Variants in IRGM observed in about 807,000 individuals in gnomAD.
IRGM encodes the protein immunity related GTPase M.
For synonymous variants in IRGM, 98 were observed against 80.6 expected (o/e 1.22, Z -1.16); for missense variants, 288 against 219.9 (o/e 1.31, Z -1.96).
At chr5:150,877,906 T>C (rs1292747933) in intron 1 of IRGM, 2 of 428,304 alleles carry the variant, frequency 4.7e-6, no homozygotes. Flanking sequence ...TTGAATTTCA[T>C]TTGCTTATAC....
chr5:150,861,948 TG>T (rs1394320153), intron 1 of IRGM, among the ~76,000 whole-genome samples: 7 of 152,178 alleles, frequency 4.6e-5, no homozygotes, highest in African/African-American at 1.7e-4. Context: ...ATAAAATACA[TG>T]TTTATTATCT....
At chr5:150,858,062 T>G (rs1309584855) in intron 1 of IRGM, among the ~76,000 whole-genome samples, 1 of 152,258 alleles carries the variant, frequency 6.6e-6, no homozygotes. Flanking sequence ...GTTTTAGGTC[T>G]AATGTTTAAG....
chr5:150,890,807 A>T (rs1489112392), intron 3 of IRGM, among the ~76,000 whole-genome samples: 2 of 152,006 alleles, frequency 1.3e-5, no homozygotes, highest in Non-Finnish European at 2.9e-5. Flanking sequence ...TTGATTTCTA[A>T]TGAATTAAAT....
chr5:150,888,254 C>T (rs1053454386), intron 3 of IRGM, among the ~76,000 whole-genome samples: 1 of 151,962 alleles, frequency 6.6e-6, no homozygotes, highest in Non-Finnish European at 1.5e-5. Context: ...GGGTTCAATT[C>T]AACAAGAAGG....
chr5:150,849,070 C>T (rs191464582), downstream of IRGM, among the ~76,000 whole-genome samples: 557 of 151,398 alleles, frequency 3.7e-3, 4 homozygotes, highest in African/African-American at 0.013. Flanking sequence ...AAGTAATGGT[C>T]GGGAGGAGCC....
intron 1 of IRGM, among the ~76,000 whole-genome samples, chr5:150,869,702 T>A (rs1335593501): frequency 6.6e-6 from 1 of 152,188 alleles, no homozygotes; most frequent in Non-Finnish European, 1.5e-5. Flanking sequence ...TGGTTTAATC[T>A]GTGAGGGTTG....
At chr5:150,895,502 A>G (rs1410134486) in intron 3 of IRGM, 12 of 1,613,566 alleles carry the variant, frequency 7.4e-6, no homozygotes, top group Non-Finnish European at 1.0e-5. Context: ...CACATATAGC[A>G]CATTGATAGG....
chr5:150,858,065 T>C lies in IRGM; in HGVS notation c.158+9411T>C, dbSNP rs1450852693. Among the ~76,000 whole-genome samples, 130 of 152,266 alleles carry C rather than the reference T, an allele frequency of 8.5e-4. 1 individual carries two copies. Among genetic ancestry groups the C allele is most frequent in the African/African-American group, 3.0e-3 (124 of 41,524 alleles). On this transcript the variant is annotated intron_variant and NMD_transcript_variant, in intron 1 of 3. Coordinates refer to the IRGM transcript ENST00000520549. ...AGGGTTTTTATGGTTTTAGGTCTAATGTTTAAGTCTTTAGTCCATCTTGAA... is the reference window on the plus strand; with the variant it reads ...AGGGTTTTTATGGTTTTAGGTCTAACGTTTAAGTCTTTAGTCCATCTTGAA...
intron 1 of IRGM, among the ~76,000 whole-genome samples, chr5:150,859,399 G>T (rs1581642278): frequency 6.6e-6 from 1 of 152,250 alleles, no homozygotes; most frequent in African/African-American, 2.4e-5. Flanking sequence ...TTTTTTGGCT[G>T]TGTCTCTGCC....
intron 3 of IRGM, among the ~76,000 whole-genome samples, chr5:150,880,855 A>G (rs987311584): frequency 3.3e-5 from 5 of 152,206 alleles, no homozygotes; most frequent in Admixed American, 1.3e-4. Context: ...GGCTGGGCAC[A>G]GTGGCTCATG....
At chr5:150,878,618 G>C (rs1440075468) in intron 2 of IRGM, among the ~76,000 whole-genome samples, 1 of 151,924 alleles carries the variant, frequency 6.6e-6, no homozygotes, top group African/African-American at 2.4e-5. Context: ...TTTAGATATA[G>C]GTAATTTGTA....
At chr5:150,898,894 A>G (rs1235171243) in intron 3 of IRGM, among the ~76,000 whole-genome samples, 1 of 152,012 alleles carries the variant, frequency 6.6e-6, no homozygotes, top group East Asian at 1.9e-4. Flanking sequence ...TATCTCCTGA[A>G]TATTTATATG....
chr5:150,883,430 CAA>C (rs1380761067), intron 3 of IRGM, among the ~76,000 whole-genome samples: 1 of 151,508 alleles, frequency 6.6e-6, no homozygotes, highest in East Asian at 1.9e-4. Context: ...AAAATAGAAA[CAA>C]GACAAACAAT....
chr5:150,859,533 T>C (rs1754106392), intron 1 of IRGM, among the ~76,000 whole-genome samples: 1 of 152,240 alleles, frequency 6.6e-6, no homozygotes, highest in Non-Finnish European at 1.5e-5. Context: ...TCTGGTAGAA[T>C]TTGGCTGTGA....
At chr5:150,895,387 C>T in intron 3 of IRGM, 10 of 1,459,586 alleles carry the variant, frequency 6.9e-6, no homozygotes, top group Non-Finnish European at 9.2e-6. Flanking sequence ...ATTATTAAGG[C>T]TTGAGCTAAT....
chr5:150,877,051 G>A (rs7734928), intron 1 of IRGM, among the ~76,000 whole-genome samples: 30,923 of 151,962 alleles, frequency 0.2, 4,998 homozygotes, highest in East Asian at 0.43. Flanking sequence ...CCAGTTGTAC[G>A]AAGAATAGTT....
intron 1 of IRGM, among the ~76,000 whole-genome samples, chr5:150,877,492 C>G (rs9324660): frequency 0.21 from 31,347 of 152,110 alleles, 5,171 homozygotes; most frequent in African/African-American, 0.44. Flanking sequence ...TTAGCTTGCA[C>G]ACGGCCTACT....
intron 3 of IRGM, chr5:150,896,587 C>T: frequency 6.2e-7 from 1 of 1,613,692 alleles, no homozygotes; most frequent in South Asian, 1.1e-5. Context: ...GATTTTCCAC[C>T]TCCAAAACTC....
At chr5:150,858,162 G>T (rs1234144421) in intron 1 of IRGM, among the ~76,000 whole-genome samples, 4 of 151,556 alleles carry the variant, frequency 2.6e-5, no homozygotes, top group African/African-American at 9.7e-5. Flanking sequence ...AGTTTTCCCA[G>T]CACCATTTAT....
Sources: gnomAD v4.1 joint callset for allele counts (sites outside exome capture counted in the v4.1 genomes callset) on GRCh38, gnomAD v4.1.1 for gene constraint, MANE v1.5 for transcripts, NCBI Gene and HGNC (gene_info 2026-07-23, HGNC 2026-07-21) for gene names.